Variants in TSHZ2 observed in about 807,000 individuals in gnomAD.
TSHZ2 encodes the protein teashirt zinc finger homeobox 2.
TSHZ2 carries 21 observed loss-of-function variants against 74.4 expected under a neutral mutation model. The ratio of observed to expected loss-of-function variants is 0.28; its 90% CI spans 0.20 to 0.41. The LOEUF (loss-of-function observed/expected upper bound fraction) is 0.41, where lower values mean the gene tolerates loss of function less well. TSHZ2 is among the 10% of genes least tolerant of loss of function. TSHZ2 has a pLI of 1.00. For synonymous variants in TSHZ2, 540 were observed against 515.3 expected (o/e 1.05, Z -0.65); for missense variants, 1,244 against 1,293.5 (o/e 0.96, Z 0.59).
intron 1 of TSHZ2, among the ~76,000 whole-genome samples, chr20:53,225,794 G>T (rs1989671632): frequency 6.6e-6 from 1 of 152,128 alleles, no homozygotes; most frequent in Admixed American, 6.5e-5. Flanking sequence ...CTCTGCTAAA[G>T]AAATTTCTGA....
intron 2 of TSHZ2, among the ~76,000 whole-genome samples, chr20:53,330,806 C>A (rs754516157): frequency 2.6e-5 from 4 of 152,176 alleles, no homozygotes; most frequent in African/African-American, 9.7e-5. Flanking sequence ...AGAAAGGTGA[C>A]GTTCGGTTTA....
chr20:53,223,913 AC>A (rs1989623016), intron 1 of TSHZ2, among the ~76,000 whole-genome samples: 1 of 134,354 alleles, frequency 7.4e-6, no homozygotes, highest in African/African-American at 2.6e-5. Context: ...ACACACACAC[AC>A]ACACACACAC....
intron 1 of TSHZ2, among the ~76,000 whole-genome samples, chr20:53,129,357 G>A (rs577244621): frequency 3.0e-4 from 45 of 152,108 alleles, no homozygotes; most frequent in Non-Finnish European, 4.4e-4. Context: ...ACAGGGATTG[G>A]TTACTTTTTT....
chr20:53,042,464 A>C (rs940995302), intron 1 of TSHZ2, among the ~76,000 whole-genome samples: 1 of 152,216 alleles, frequency 6.6e-6, no homozygotes, highest in Admixed American at 6.5e-5. Context: ...TATTATATAT[A>C]ATCTCAATAA....
Position 53,488,773 on chromosome 20 carries a change from G to A in TSHZ2, c.*1638G>A. The A allele has an allele frequency of 3.1e-6, 1 of 318,868 alleles. No individual in the cohort carries two copies. The highest frequency in any genetic ancestry group is 6.1e-6 in the Non-Finnish European group (1 of 163,684). 19.8% of individuals were successfully genotyped at this position (318,868 alleles called of 1,614,324 possible). ...TATCTCTTCCTCACCATTTCTCAAGGAGGCTGCCTGTTGGAATTGTTTTGG... is the reference window on the plus strand; with the variant it reads ...TATCTCTTCCTCACCATTTCTCAAGAAGGCTGCCTGTTGGAATTGTTTTGG... On this transcript the variant is annotated 3_prime_UTR_variant, in exon 3 of 3. Coordinates refer to ENST00000371497, the MANE Select transcript of TSHZ2 (RefSeq NM_173485.6).
At chr20:53,261,258 C>T (rs181694000) in intron 2 of TSHZ2, among the ~76,000 whole-genome samples, 1 of 152,282 alleles carries the variant, frequency 6.6e-6, no homozygotes, top group African/African-American at 2.4e-5. Context: ...CTTTTGGAGG[C>T]TCCAGCTATC....
intron 1 of TSHZ2, among the ~76,000 whole-genome samples, chr20:53,050,101 G>GTATATATATATATATATATA (rs1213487235): frequency 3.3e-5 from 2 of 60,464 alleles, no homozygotes; most frequent in African/African-American, 2.9e-4. Flanking sequence ...ATGTATATGT[G>GTATATATATATATATATATA]TGTATATATA....
intron 2 of TSHZ2, among the ~76,000 whole-genome samples, chr20:53,293,715 AAAAG>A (rs1991323751): frequency 1.4e-5 from 2 of 147,902 alleles, no homozygotes; most frequent in Non-Finnish European, 3.0e-5. Context: ...AAAAAAAAAA[AAAAG>A]AAAAGAAACA....
At chr20:53,358,176 A>G (rs1176821509) in intron 2 of TSHZ2, among the ~76,000 whole-genome samples, 1 of 151,962 alleles carries the variant, frequency 6.6e-6, no homozygotes, top group Non-Finnish European at 1.5e-5. Flanking sequence ...CATCCTTGTA[A>G]TTTCCCAGTT....
At chr20:53,313,059 T>C (rs1202589773) in intron 2 of TSHZ2, among the ~76,000 whole-genome samples, 1 of 152,204 alleles carries the variant, frequency 6.6e-6, no homozygotes, top group Non-Finnish European at 1.5e-5. Flanking sequence ...GAGACACCTG[T>C]CCAAAAAATT....
rs563229687 is a variant in TSHZ2 at position 53,305,942 on chromosome 20, C to A, written c.*8+49371C>A. Among the ~76,000 whole-genome samples, 3 of 150,554 alleles carry A rather than the reference C, an allele frequency of 2.0e-5. No homozygotes were observed. In the South Asian group the frequency reaches 6.3e-4, roughly 32 times the overall value. ...GCAGTGAGCTGAGATAGTGCCACTA[C>A]ACTCCGGCCTGGGCAGCAGAGCAAG... On this transcript the variant is annotated intron_variant, in intron 2 of 2. Transcript: ENST00000371497.
At chr20:53,205,048 G>A (rs190781551) in intron 1 of TSHZ2, among the ~76,000 whole-genome samples, 13 of 148,934 alleles carry the variant, frequency 8.7e-5, no homozygotes, top group Non-Finnish European at 1.9e-4. Flanking sequence ...CAGAGATCTC[G>A]CCACTGCACT....
intron 1 of TSHZ2, among the ~76,000 whole-genome samples, chr20:52,988,963 T>C (rs940925059): frequency 6.6e-6 from 1 of 152,104 alleles, no homozygotes; most frequent in Admixed American, 6.5e-5. Context: ...TTTTAGCAAA[T>C]GAAAATCTGC....
At position 53,224,062 on chromosome 20, in the gene TSHZ2, G is replaced by A. The variant is rs1250759877; in HGVS notation, c.41-29437G>A. 2.0e-5 allele frequency among the ~76,000 whole-genome samples: 3 copies of A among 152,126 alleles called. No homozygotes were observed. In the East Asian group the frequency reaches 5.8e-4, roughly 29 times the overall value. ...TTGAGGGAAAACAGGGGAAGGATAT[G>A]GAGGATTTCTGTGTATTATTTCTTA... On this transcript the variant is annotated intron_variant, in intron 1 of 2. Transcript: ENST00000371497.
intron 1 of TSHZ2, among the ~76,000 whole-genome samples, chr20:53,047,279 A>T (rs1305533008): frequency 6.6e-6 from 1 of 152,216 alleles, no homozygotes; most frequent in African/African-American, 2.4e-5. Context: ...TAAAGGTCTG[A>T]TATAAAAGTC....
chr20:53,243,725 A>G (rs1990126028), intron 1 of TSHZ2, among the ~76,000 whole-genome samples: 1 of 152,164 alleles, frequency 6.6e-6, no homozygotes, highest in African/African-American at 2.4e-5. Context: ...TAGAGACAGC[A>G]AAGACTTTTC....
At chr20:53,400,639 C>G (rs2021861) in intron 2 of TSHZ2, among the ~76,000 whole-genome samples, 14,215 of 152,148 alleles carry the variant, frequency 0.093, 1,785 homozygotes, top group African/African-American at 0.28. Flanking sequence ...CTTGATTGTA[C>G]TCTCTACTGC....
At chr20:53,258,572 G>A (rs989252936) in intron 2 of TSHZ2, among the ~76,000 whole-genome samples, 1 of 152,096 alleles carries the variant, frequency 6.6e-6, no homozygotes, top group Non-Finnish European at 1.5e-5. Flanking sequence ...GATAGGGAGA[G>A]GTAAGGAAAA....
intron 1 of TSHZ2, among the ~76,000 whole-genome samples, chr20:53,243,890 A>G (rs1190039600): frequency 2.6e-5 from 4 of 151,782 alleles, no homozygotes; most frequent in Admixed American, 2.0e-4. Context: ...TTAGCAAAAG[A>G]AGCAAGTTAA....
Sources: allele counts gnomAD v4.1 joint callset (sites outside exome capture counted in the v4.1 genomes callset), GRCh38; gene constraint gnomAD v4.1.1; transcripts MANE v1.5; gene names NCBI Gene and HGNC (gene_info 2026-07-23, HGNC 2026-07-21).